COQ4: variants seen among roughly 807,000 people sequenced by gnomAD.
COQ4 encodes ubiquinone biosynthesis protein COQ4 homolog, mitochondrial.
COQ4 carries 36 observed loss-of-function variants against 30.2 expected under a neutral mutation model. That is an observed-to-expected ratio of 1.19 (90% CI 0.91 to 1.57). COQ4 has a LOEUF of 1.57. Among genes scored for constraint, COQ4 ranks in the 40% most tolerant of loss-of-function variants. The pLI is 0.00. For synonymous variants in COQ4, 197 were observed against 161.0 expected (o/e 1.22, Z -1.69); for missense variants, 369 against 371.9 (o/e 0.99, Z 0.07).
At chr9:128,326,964 T>C (rs1297077559) in intron 4 of COQ4, among the ~76,000 whole-genome samples, 2 of 150,920 alleles carry the variant, frequency 1.3e-5, no homozygotes, top group Non-Finnish European at 1.5e-5. Context: ...ACCAGGCTGG[T>C]CTTGAACTCC....
At chr9:128,324,779 C>T (rs1042024510) in intron 2 of COQ4, among the ~76,000 whole-genome samples, 10 of 143,866 alleles carry the variant, frequency 7.0e-5, no homozygotes, top group African/African-American at 3.0e-4. Context: ...AAATGTGAAG[C>T]AATTTGTACT....
chr9:128,325,882 G>T lies in COQ4; in HGVS notation c.402+1G>T, dbSNP rs747779231. The stretch of plus-strand genomic sequence containing the variant: ...GTATCTCCGTTTCCTGGATGTGAAC[G>T]TGAGTTTTCAGCTCCTGTGTATCTG... On this transcript the variant is annotated splice_donor_variant, in intron 4 of 6. Transcript: ENST00000300452. LOFTEE classifies it high-confidence loss of function. 2 of 1,613,326 alleles carry T rather than the reference G, an allele frequency of 1.2e-6. No individual in the cohort carries two copies. Among genetic ancestry groups the T allele is most frequent in the Non-Finnish European group, 8.5e-7 (1 of 1,179,406 alleles).
At chr9:128,332,010 A>T (rs1418896091) in intron 4 of COQ4, 143 bp from the exon 5 acceptor site, 3 of 946,582 alleles carry the variant, frequency 3.2e-6, no homozygotes, top group Non-Finnish European at 4.7e-6. Flanking sequence ...ATTTACAGGC[A>T]TGAGCCTCGG....
rs745396359 is a variant in COQ4 at position 128,325,754 on chromosome 9, C to T, written c.300-25C>T. ...TTCACCTACCTTTGCCCACACCCTC[C>T]CAATGCCCAAGTCTTGCCTTTCAGG... On this transcript the variant is annotated intron_variant, in intron 3 of 6. Transcript: ENST00000300452. The T allele has an allele frequency of 1.9e-6, 3 of 1,597,316 alleles. No homozygotes were observed. The East Asian group carries it at 6.7e-5, about 36-fold the overall frequency.
intron 2 of COQ4, among the ~76,000 whole-genome samples, 192 bp from the exon 3 acceptor site, chr9:128,324,945 TTAAGAA>T (rs1477861280): frequency 2.0e-5 from 3 of 152,246 alleles, no homozygotes; most frequent in African/African-American, 7.2e-5. Flanking sequence ...CCCCAGTAGA[TTAAGAA>T]TAAGAACTAT....
chr9:128,332,950 T>A lies in COQ4; in HGVS notation c.626+7T>A, dbSNP rs759315745. ...CGATCCGACTTGGCGCTCAGTAAGT[T>A]TTCAAGTGGTAGCTGGGTCGGGGTT... On this transcript the variant is annotated splice_region_variant and intron_variant, in intron 6 of 6. Transcript: ENST00000300452. The A allele has an allele frequency of 1.2e-6, 2 of 1,610,426 alleles. No individual in the cohort carries two copies. The highest frequency in any genetic ancestry group is 2.2e-5 in the South Asian group (2 of 91,008).
intron 4 of COQ4, chr9:128,331,889 G>A (rs1052881840): frequency 3.0e-5 from 9 of 295,450 alleles, no homozygotes; most frequent in East Asian, 7.7e-5. Flanking sequence ...CACCACACCC[G>A]GCTAATTTTT....
chr9:128,325,526 CAGTACCTTTTGCA>C lies in COQ4; in HGVS notation c.300-247_300-235del, dbSNP rs143790767. Among the ~76,000 whole-genome samples the C allele has an allele frequency of 0.011, 1,642 of 152,304 alleles. 19 individuals are homozygous for C. Among genetic ancestry groups the C allele is most frequent in the Non-Finnish European group, 0.016 (1,068 of 68,020 alleles). ...ATGTGCTGGCTTTACCCCTCCCTTG[CAGTACCTTTTGCA>C]AGTACTCTGGTCACATTCGAGGACT... On this transcript the variant is annotated intron_variant, in intron 3 of 6. Transcript: ENST00000300452.
intron 5 of COQ4, 125 bp downstream of exon 5, chr9:128,332,407 C>T: frequency 2.0e-6 from 2 of 1,023,370 alleles, no homozygotes; most frequent in Non-Finnish European, 1.4e-6. Flanking sequence ...TTTACCTGAA[C>T]ATCTTAGTAG....
At chr9:128,332,519 G>C (rs1370907064) in intron 5 of COQ4, 3 of 591,828 alleles carry the variant, frequency 5.1e-6, no homozygotes, top group African/African-American at 1.9e-5. Context: ...TGTCTTTTTA[G>C]GCTTTAGCTG....
chr9:128,328,652 G>A (rs375057318), intron 4 of COQ4, among the ~76,000 whole-genome samples: 5 of 152,184 alleles, frequency 3.3e-5, no homozygotes, highest in Non-Finnish European at 1.5e-5. Flanking sequence ...TATTGTCCCC[G>A]AGACGATGTT....
Position 128,333,549 on chromosome 9 carries a change from C to A in COQ4, c.702C>A (p.Asn234Lys). Reference sequence around the variant, plus strand: ...GGCGCAGAGCCCCATGTGTCCTCAACCTGTACTATGAGCGGCGCTGGGAGC... The same window carrying A: ...GGCGCAGAGCCCCATGTGTCCTCAAACTGTACTATGAGCGGCGCTGGGAGC... ...QNGRRAPCVL[N>K]LYYERRWEQS... The change falls in exon 7 of 7, where the codon AAC (asparagine) becomes AAA (lysine). Residue 234 changes from asparagine to lysine, a missense_variant. Physicochemically the swap from Asn to Lys is moderately conservative, Grantham distance 94 (BLOSUM62 0). Coordinates refer to ENST00000300452, the MANE Select transcript of COQ4 (RefSeq NM_016035.5). The A allele has an allele frequency of 6.2e-7, 1 of 1,610,792 alleles. No individual in the cohort carries two copies. The highest frequency in any genetic ancestry group is 8.5e-7 in the Non-Finnish European group (1 of 1,178,694).
rs749692364 is a variant in COQ4 at position 128,325,206 on chromosome 9, T to A, written c.266T>A (p.Met89Lys). Residue 89 changes from methionine to lysine, a missense_variant, in exon 3 of 7, where the codon ATG (methionine) becomes AAG (lysine). By Grantham distance (95) the Met-to-Lys change is moderately conservative. Transcript: ENST00000300452. ...HRTLKVLRDQ[M>K]RRDPEGAQIL... Reference sequence around the variant, plus strand: ...ACCCTGAAGGTCCTCAGGGACCAGATGAGGAGGGATCCAGAGGGTGCCCAG... The same window carrying A: ...ACCCTGAAGGTCCTCAGGGACCAGAAGAGGAGGGATCCAGAGGGTGCCCAG... The A allele has an allele frequency of 1.8e-5, 29 of 1,613,988 alleles. No homozygotes were observed. Among genetic ancestry groups the A allele is most frequent in the Non-Finnish European group, 2.2e-5 (26 of 1,179,980 alleles).
Position 128,332,858 on chromosome 9 carries a change from G to A in COQ4, c.541G>A (p.Val181Met), listed in dbSNP as rs1430241934. ...GMPTNILGEIVVKWFEAVQTG... is the reference protein window; with the variant it reads ...GMPTNILGEIMVKWFEAVQTG... ...ACATCCCTCACCCACAGGGGAGATC[G>A]TGGTGAAATGGTTTGAGGCTGTCCA... The change falls in exon 6 of 7, where the codon GTG becomes ATG. Residue 181 changes from valine to methionine, a missense_variant. By Grantham distance (21) the Val-to-Met change is conservative (BLOSUM62 1). Coordinates refer to ENST00000300452, the MANE Select transcript of COQ4 (RefSeq NM_016035.5). The A allele has an allele frequency of 1.9e-6, 3 of 1,613,514 alleles. No homozygotes were observed. Among genetic ancestry groups the A allele is most frequent in the Admixed American group, 1.7e-5 (1 of 60,004 alleles).
chr9:128,325,873 G>GA lies in COQ4; in HGVS notation c.395dup (p.Asp132GlufsTer18). 6.2e-7 allele frequency: 1 copy of GA among 1,614,082 alleles called. No homozygotes were observed. The highest frequency in any genetic ancestry group is 1.1e-5 in the South Asian group (1 of 91,086). On this transcript the variant is annotated frameshift_variant, in exon 4 of 7. Coordinates refer to ENST00000300452, the MANE Select transcript of COQ4 (RefSeq NM_016035.5). LOFTEE classifies it high-confidence loss of function. ...CGGTCGCGAGTATCTCCGTTTCCTG[G>GA]ATGTGAACGTGAGTTTTCAGCTCCT...
rs1832449952 is a variant in COQ4, at chr9:128,333,537, A to C, written c.690A>C (p.Pro230=). 1 of 1,607,770 alleles carries C rather than the reference A, an allele frequency of 6.2e-7. No homozygotes were observed. Among genetic ancestry groups the C allele is most frequent in the Non-Finnish European group, 8.5e-7 (1 of 1,177,450 alleles). ...CCGTTCAGAACGGGCGCAGAGCCCC[A>C]TGTGTCCTCAACCTGTACTATGAGC... The part of the protein sequence containing the change: ...PWAVQNGRRA[P]CVLNLYYERR... Residue 230 remains proline (P), a synonymous_variant, in exon 7 of 7, where the codon CCA becomes CCC. Transcript: ENST00000300452.
chr9:128,333,020 A>T, intron 6 of COQ4, 77 bp downstream of exon 6: 1 of 1,074,750 alleles, frequency 9.3e-7, no homozygotes, highest in Non-Finnish European at 1.4e-6. Flanking sequence ...GGGCTCTTAG[A>T]AGTAGGAAGA....
chr9:128,332,211 A>T lies in COQ4; in HGVS notation c.461A>T (p.Tyr154Phe), dbSNP rs147142262. Reference sequence around the variant, plus strand: ...TTCGTGGATGATGAGGAGCTAGCGTATGTGATTCAGCGGTACCGGGAGGTG... The same window carrying T: ...TTCGTGGATGATGAGGAGCTAGCGTTTGTGATTCAGCGGTACCGGGAGGTG... ...TRFVDDEELA[Y>F]VIQRYREVHD... is the part of the protein sequence containing the mutation. The change falls in exon 5 of 7, where the codon TAT becomes TTT. Residue 154 changes from tyrosine (Y) to phenylalanine (F), a missense_variant. Coordinates refer to ENST00000300452, the MANE Select transcript of COQ4 (RefSeq NM_016035.5). The T allele has an allele frequency of 1.7e-5, 27 of 1,611,676 alleles. No individual in the cohort carries two copies. The African/African-American group carries it at 3.5e-4, about 21-fold the overall frequency.
chr9:128,332,928 T>C lies in COQ4; in HGVS notation c.611T>C (p.Ile204Thr), dbSNP rs1010206891. The change falls in exon 6 of 7, where the codon ATC becomes ACC. Residue 204 changes from isoleucine to threonine, a missense_variant. By Grantham distance (89) the Ile-to-Thr change is moderately conservative (BLOSUM62 -1). Transcript: ENST00000300452. The stretch of plus-strand genomic sequence containing the variant: ...ATCCTGGGTGCATTCTTTGGACCGA[T>C]CCGACTTGGCGCTCAGTAAGTTTTC... ...MCILGAFFGP[I>T]RLGAQSLQVL... 3.2e-5 allele frequency: 52 copies of C among 1,613,914 alleles called. No individual in the cohort carries two copies. The highest frequency in any genetic ancestry group is 6.7e-5 in the East Asian group (3 of 44,890).
Sources: allele counts gnomAD v4.1 joint callset (sites outside exome capture counted in the v4.1 genomes callset), GRCh38; gene constraint gnomAD v4.1.1; transcripts MANE v1.5; gene names NCBI Gene and HGNC (gene_info 2026-07-23, HGNC 2026-07-21).